Variants in PCDHGC4 observed in about 807,000 individuals in gnomAD.
The protein encoded by PCDHGC4 is protocadherin gamma subfamily C, 4.
In PCDHGC4, 15 loss-of-function variants were observed where a neutral mutation model predicts 59.7. The ratio of observed to expected loss-of-function variants is 0.25; its 90% CI spans 0.17 to 0.39. PCDHGC4 has a LOEUF of 0.39. Ranked by LOEUF, PCDHGC4 falls within the 10% of genes least tolerant of loss-of-function variation. The pLI, the probability that PCDHGC4 is intolerant of heterozygous loss-of-function variation, is 1.00. For missense variants in PCDHGC4, 1,016 were observed against 1,189.5 expected (o/e 0.85, Z 2.15); for synonymous variants, 434 against 481.4 (o/e 0.90, Z 1.29).
rs765047622 is a variant in PCDHGC4 at position 141,486,776 on chromosome 5, G to A, written c.1603G>A (p.Val535Met). Residue 535 changes from valine (V) to methionine (M), a missense_variant, in exon 1 of 4, where the codon GTG becomes ATG. Coordinates refer to ENST00000306593, the MANE Select transcript of PCDHGC4 (RefSeq NM_018928.3). This position sits in a 1 kb window ranked among gnomAD's most constrained non-coding sequence, Gnocchi z 5.0. The part of the protein sequence containing the change: ...YEQTQTLQFE[V>M]QARDRGNPPL... ...GCAAACCCAGACACTGCAGTTTGAGGTGCAGGCCCGGGATCGGGGCAACCC... is the reference window on the plus strand; with the variant it reads ...GCAAACCCAGACACTGCAGTTTGAGATGCAGGCCCGGGATCGGGGCAACCC... 1.2e-6 allele frequency: 2 copies of A among 1,614,254 alleles called. No individual in the cohort carries two copies. Among genetic ancestry groups the A allele is most frequent in the Non-Finnish European group, 1.7e-6 (2 of 1,180,050 alleles).
At position 141,510,965 on chromosome 5, in the gene PCDHGC4, C is replaced by T. The variant is rs1473736492; in HGVS notation, c.2609C>T (p.Ser870Phe). The T allele has an allele frequency of 3.1e-6, 5 of 1,614,026 alleles. No homozygotes were observed. The highest frequency in any genetic ancestry group is 4.2e-6 in the Non-Finnish European group (5 of 1,180,020). The change falls in exon 4 of 4, where the codon TCC becomes TTC. Residue 870 changes from serine (S) to phenylalanine (F), a missense_variant. Transcript: ENST00000306593. ...TCTGCAGAAGCTGCTGATGGGAGCT[C>T]CACCCTGGGAGGGGGTGCCGGCACC... ...ASASEAADGS[S>F]TLGGGAGTMG...
In PCDHGC4 at chr5:141,489,681, A is replaced by T; in HGVS notation, c.2442+2066A>T. ...AGATGCGCATCTCAGAATCAGCAGC[A>T]TCTGGGGCACGATTCCCACTGGACA... On this transcript the variant is annotated intron_variant, in intron 1 of 3. Transcript: ENST00000306593. This position sits in a 1 kb window ranked among gnomAD's most constrained non-coding sequence, Gnocchi z 4.5. 1 of 1,614,174 alleles carries T rather than the reference A, an allele frequency of 6.2e-7. No individual in the cohort carries two copies. The highest frequency in any genetic ancestry group is 8.5e-7 in the Non-Finnish European group (1 of 1,180,010).
Position 141,501,335 on chromosome 5 carries a change from C to A in PCDHGC4, c.2502-4058C>A, listed in dbSNP as rs977626682. 1.5e-4 allele frequency among the ~76,000 whole-genome samples: 20 copies of A among 135,718 alleles called. No individual in the cohort carries two copies. In the East Asian group the frequency reaches 2.2e-3, roughly 15 times the overall value. The allele number at this position is 135,718 out of a possible 152,430, so 89.0% of individuals were successfully genotyped here. The stretch of plus-strand genomic sequence containing the variant: ...CACACACACACACACACACACACAC[C>A]CCAAACTCAATAGGGCAAGAACCAT... On this transcript the variant is annotated intron_variant, in intron 2 of 3. Transcript: ENST00000306593.
rs2099748976 is a variant in PCDHGC4, at chr5:141,493,566, C to G, written c.2443-1241C>G. Among the ~76,000 whole-genome samples, 1 of 152,168 alleles carries G rather than the reference C, an allele frequency of 6.6e-6. No individual in the cohort carries two copies. Among genetic ancestry groups the G allele is most frequent in the African/African-American group, 2.4e-5 (1 of 41,436 alleles). ...TTTTGGAGATTGAGTTCCCCCAGCT[C>G]CGTTTCCTCCTATCACAATCACTGC... is the stretch of plus-strand genomic sequence containing the variant. On this transcript the variant is annotated intron_variant, in intron 1 of 3. Transcript: ENST00000306593. The surrounding 1 kb of genome is among the most constrained non-coding windows in gnomAD (Gnocchi z 4.3).
rs751874380 is a variant in PCDHGC4 at position 141,486,055 on chromosome 5, C to A, written c.882C>A (p.Ser294Arg). ...HTPDRVRNLF[S>R]LHPTTGKLTL... ...CTGATCGTGTAAGAAACCTCTTTAG[C>A]CTGCACCCCACTACTGGAAAGCTTA... Residue 294 changes from serine (S) to arginine (R), a missense_variant, in exon 1 of 4, where the codon AGC (serine) becomes AGA (arginine). Transcript: ENST00000306593. The surrounding 1 kb of genome is among the most constrained non-coding windows in gnomAD (Gnocchi z 5.0). The A allele has an allele frequency of 6.2e-7, 1 of 1,614,170 alleles. No individual in the cohort carries two copies. Among genetic ancestry groups the A allele is most frequent in the South Asian group, 1.1e-5 (1 of 91,072 alleles).
At chr5:141,492,241 C>T (rs1351937353) in intron 1 of PCDHGC4, among the ~76,000 whole-genome samples, 1 of 152,186 alleles carries the variant, frequency 6.6e-6, no homozygotes, top group African/African-American at 2.4e-5. Flanking sequence ...TGCTGGCCAC[C>T]CCCACGGCCC....
intron 2 of PCDHGC4, among the ~76,000 whole-genome samples, chr5:141,497,393 CT>C (rs1035907100): frequency 2.1e-4 from 32 of 152,254 alleles, no homozygotes; most frequent in African/African-American, 7.5e-4. Context: ...CACCTTACCC[CT>C]GCCTCAACTC....
At chr5:141,508,682 C>G (rs2099870913) in intron 3 of PCDHGC4, among the ~76,000 whole-genome samples, 1 of 152,080 alleles carries the variant, frequency 6.6e-6, no homozygotes, top group Non-Finnish European at 1.5e-5. Context: ...TCCCTTCTCC[C>G]TGCTTCTCCG....
chr5:141,502,373 C>A (rs2099813965), intron 2 of PCDHGC4, among the ~76,000 whole-genome samples: 1 of 151,806 alleles, frequency 6.6e-6, no homozygotes, highest in African/African-American at 2.4e-5. Context: ...TTAAAGAGTC[C>A]AGGCCAGTTG....
At chr5:141,499,244 CAA>C (rs1191956146) in intron 2 of PCDHGC4, among the ~76,000 whole-genome samples, 1 of 152,090 alleles carries the variant, frequency 6.6e-6, no homozygotes, top group Non-Finnish European at 1.5e-5. Flanking sequence ...AGCCTCTGCA[CAA>C]AGAGTCTCCA....
chr5:141,496,140 T>C (rs1172903212), intron 2 of PCDHGC4, among the ~76,000 whole-genome samples: 1 of 152,006 alleles, frequency 6.6e-6, no homozygotes, highest in Admixed American at 6.6e-5. Flanking sequence ...CACTGAGCCT[T>C]TGATCGCAGC....
In PCDHGC4 at chr5:141,486,474, C is replaced by T. The variant is rs1594589698; in HGVS notation, c.1301C>T (p.Pro434Leu). Residue 434 changes from proline (P) to leucine (L), a missense_variant, in exon 1 of 4, where the codon CCT becomes CTT. Pro to Leu is a moderately conservative substitution (Grantham distance 98). Transcript: ENST00000306593. This position sits in a 1 kb window ranked among gnomAD's most constrained non-coding sequence, Gnocchi z 5.0. ...MVTASDAGNP[P>L]LSTHRTIFLN... ...ACTGCTTCTGATGCTGGGAACCCTCCTCTCAGTACCCACAGAACTATTTTC... is the reference window on the plus strand; with the variant it reads ...ACTGCTTCTGATGCTGGGAACCCTCTTCTCAGTACCCACAGAACTATTTTC... 1 of 1,614,016 alleles carries T rather than the reference C, an allele frequency of 6.2e-7. No homozygotes were observed. Among genetic ancestry groups the T allele is most frequent in the South Asian group, 1.1e-5 (1 of 91,082 alleles).
intron 2 of PCDHGC4, among the ~76,000 whole-genome samples, chr5:141,495,912 CTT>C (rs1210428397): frequency 6.6e-6 from 1 of 152,140 alleles, no homozygotes; most frequent in Admixed American, 6.6e-5. Flanking sequence ...CTCTGTATAT[CTT>C]TCTTTGTCTC....
rs779191558 is a variant in PCDHGC4 at position 141,491,465 on chromosome 5, A to T, written c.2443-3342A>T. 3.1e-6 allele frequency: 5 copies of T among 1,614,092 alleles called. No homozygotes were observed. Among genetic ancestry groups the T allele is most frequent in the Non-Finnish European group, 4.2e-6 (5 of 1,180,010 alleles). On this transcript the variant is annotated intron_variant, in intron 1 of 3. Transcript: ENST00000306593. The surrounding 1 kb of genome is among the most constrained non-coding windows in gnomAD (Gnocchi z 6.9). ...CAGGACTCACCCTCCCCGGACTTCT[A>T]TAAGCAGTCCAGCCCCAACCTGCAG... is the stretch of plus-strand genomic sequence containing the variant.
In PCDHGC4 at chr5:141,491,511, C is replaced by G. The variant is rs777448782; in HGVS notation, c.2443-3296C>G. 6.2e-7 allele frequency: 1 copy of G among 1,614,080 alleles called. No individual in the cohort carries two copies. The highest frequency in any genetic ancestry group is 8.5e-7 in the Non-Finnish European group (1 of 1,180,018). ...TGCAGGTGAGCTCGGACGGCACGCT[C>G]AAGTACATGGAGGTGACGCTGCGGC... On this transcript the variant is annotated intron_variant, in intron 1 of 3. Transcript: ENST00000306593. This position sits in a 1 kb window ranked among gnomAD's most constrained non-coding sequence, Gnocchi z 6.9.
chr5:141,503,440 C>A (rs1185892958), intron 2 of PCDHGC4, among the ~76,000 whole-genome samples: 2 of 151,694 alleles, frequency 1.3e-5, no homozygotes, highest in African/African-American at 4.8e-5. Context: ...ACTAAAAATA[C>A]AAAAATTCGC....
In PCDHGC4 at chr5:141,494,850, G is replaced by C. The variant is rs2099757124; in HGVS notation, c.2486G>C (p.Arg829Thr). 1.2e-6 allele frequency: 2 copies of C among 1,614,124 alleles called. No individual in the cohort carries two copies. The highest frequency in any genetic ancestry group is 1.7e-6 in the Non-Finnish European group (2 of 1,180,018). Reference protein sequence around the residue: ...NTDWRFSQAQRPGTSGSQNGD... With the variant: ...NTDWRFSQAQTPGTSGSQNGD... ...GACTGGCGTTTCTCTCAGGCCCAGA[G>C]ACCCGGCACCAGCGGGTAGGTGACT... is the stretch of plus-strand genomic sequence containing the variant. The change falls in exon 2 of 4, where the codon AGA becomes ACA. Residue 829 changes from arginine to threonine, a missense_variant. Physicochemically the swap from Arg to Thr is moderately conservative, Grantham distance 71. Transcript: ENST00000306593.
rs2099727742 is a variant in PCDHGC4 at position 141,491,740 on chromosome 5, G to C, written c.2443-3067G>C. On this transcript the variant is annotated intron_variant, in intron 1 of 3. Coordinates refer to ENST00000306593, the MANE Select transcript of PCDHGC4 (RefSeq NM_018928.3). The surrounding 1 kb of genome is among the most constrained non-coding windows in gnomAD (Gnocchi z 6.9). Reference sequence around the variant, plus strand: ...GCCGCCCCGGGCGACCCCTGGGGGCGGCACTGGAGAAGCCGCCCGTCCTCA... The same window carrying C: ...GCCGCCCCGGGCGACCCCTGGGGGCCGCACTGGAGAAGCCGCCCGTCCTCA... The C allele has an allele frequency of 6.3e-7, 1 of 1,597,622 alleles. No homozygotes were observed. The highest frequency in any genetic ancestry group is 8.5e-7 in the Non-Finnish European group (1 of 1,173,228).
chr5:141,488,681 C>G, intron 1 of PCDHGC4, among the ~76,000 whole-genome samples: 1 of 152,204 alleles, frequency 6.6e-6, no homozygotes, highest in East Asian at 1.9e-4. Flanking sequence ...GGCTTTGCCT[C>G]TCCCAGAAGG....
Sources: gnomAD v4.1 joint callset for allele counts (sites outside exome capture counted in the v4.1 genomes callset) on GRCh38, gnomAD v4.1.1 for gene constraint, Gnocchi (gnomAD v3.1) non-coding constraint, MANE v1.5 for transcripts, NCBI Gene and HGNC (gene_info 2026-07-23, HGNC 2026-07-21) for gene names.